Variants in APLF observed in about 807,000 individuals in gnomAD.
The protein encoded by APLF is aprataxin and PNK-like factor.
A neutral mutation model predicts 55.6 loss-of-function variants in APLF; 61 were observed. That is an observed-to-expected ratio of 1.10 (90% CI 0.89 to 1.36). APLF has a LOEUF of 1.36. Among genes scored for constraint, APLF ranks in the 40% most tolerant of loss-of-function variants. APLF has a pLI of 0.00. For synonymous variants in APLF, 207 were observed against 214.8 expected, an observed-to-expected ratio of 0.96 and a Z score of 0.32; for missense variants, 611 against 602.5, an observed-to-expected ratio of 1.01 and a Z score of -0.15.
At chr2:68,558,603 A>G (rs935582931) in intron 8 of APLF, among the ~76,000 whole-genome samples, 3 of 152,138 alleles carry the variant, frequency 2.0e-5, no homozygotes, top group Non-Finnish European at 2.9e-5. Flanking sequence ...CTGATCTAGG[A>G]GCTTATGTAA....
intron 1 of APLF, among the ~76,000 whole-genome samples, chr2:68,476,311 C>G (rs1422990007): frequency 6.6e-6 from 1 of 151,816 alleles, no homozygotes; most frequent in Non-Finnish European, 1.5e-5. Context: ...CATGGTGAAA[C>G]CCTGTCTGTA....
intron 2 of APLF, among the ~76,000 whole-genome samples, chr2:68,496,550 T>C (rs1001572749): frequency 6.6e-6 from 1 of 152,224 alleles, no homozygotes; most frequent in Non-Finnish European, 1.5e-5. Flanking sequence ...TGCTTCCTAT[T>C]TGAATATGTG....
chr2:68,554,372 A>C (rs184152511), intron 8 of APLF, among the ~76,000 whole-genome samples: 85 of 152,220 alleles, frequency 5.6e-4, no homozygotes, highest in African/African-American at 1.8e-3. Context: ...ATACTTTTTT[A>C]AATCTAACAA....
chr2:68,509,934 T>C (rs1463568465), intron 3 of APLF, among the ~76,000 whole-genome samples: 1 of 151,824 alleles, frequency 6.6e-6, no homozygotes, highest in Non-Finnish European at 1.5e-5. Flanking sequence ...TGGATGAAGC[T>C]GGAAACCATC....
At chr2:68,530,745 C>T (rs577029510) in intron 6 of APLF, among the ~76,000 whole-genome samples, 10 of 152,014 alleles carry the variant, frequency 6.6e-5, no homozygotes, top group Non-Finnish European at 1.3e-4. Context: ...TTTCTTATGC[C>T]CAAGAGAGGG....
In APLF at chr2:68,579,431, T is replaced by C. The variant is rs1671711511; in HGVS notation, c.*1409T>C. The C allele has an allele frequency of 1.0e-6, 1 of 954,224 alleles. No homozygotes were observed. 59.1% of individuals were successfully genotyped at this position (954,224 alleles called of 1,614,324 possible). On this transcript the variant is annotated 3_prime_UTR_variant, in exon 10 of 10. Transcript: ENST00000303795. The stretch of plus-strand genomic sequence containing the variant: ...ACTTAATCCTTGAAGTGTTACATAA[T>C]CTACTCCTAGGTATATACCCAGAGG...
chr2:68,516,642 G>T (rs924342560), intron 5 of APLF, among the ~76,000 whole-genome samples: 4 of 150,294 alleles, frequency 2.7e-5, no homozygotes, highest in African/African-American at 9.8e-5. Context: ...TCATGCCTTT[G>T]CATCCTTATA....
At position 68,513,043 on chromosome 2, in the gene APLF, T is replaced by C. The variant is rs1176538493; in HGVS notation, c.342-37T>C. The stretch of plus-strand genomic sequence containing the variant: ...TCTAAGGCAGCAGAAGTGTGTTAAA[T>C]TTAAAATTAAAGACCAGTTTCTATT... On this transcript the variant is annotated intron_variant, in intron 3 of 9. Coordinates refer to ENST00000303795, the MANE Select transcript of APLF (RefSeq NM_173545.3). The C allele has an allele frequency of 2.6e-6, 4 of 1,561,526 alleles. No homozygotes were observed. In the Admixed American group the frequency reaches 7.3e-5, roughly 29 times the overall value.
At chr2:68,502,076 C>T (rs1457953077) in intron 2 of APLF, among the ~76,000 whole-genome samples, 1 of 152,154 alleles carries the variant, frequency 6.6e-6, no homozygotes, top group Admixed American at 6.6e-5. Context: ...TACAGACCCA[C>T]TCGCGAGATA....
intron 8 of APLF, among the ~76,000 whole-genome samples, chr2:68,561,888 C>T (rs780687598): frequency 6.6e-6 from 1 of 151,888 alleles, no homozygotes; most frequent in African/African-American, 2.4e-5. Flanking sequence ...AGCATTAACT[C>T]GAGAAAGTTT....
intron 9 of APLF, among the ~76,000 whole-genome samples, chr2:68,570,972 T>G (rs1558557288): frequency 1.3e-5 from 2 of 152,212 alleles, no homozygotes; most frequent in Admixed American, 1.3e-4. Flanking sequence ...TTCCTGACTT[T>G]TTTATGATTG....
intron 6 of APLF, among the ~76,000 whole-genome samples, chr2:68,536,454 T>TA: frequency 6.6e-6 from 1 of 152,316 alleles, no homozygotes; most frequent in South Asian, 2.1e-4. Context: ...AGTCTTTAGT[T>TA]ATAAGTGGAA....
At chr2:68,476,658 G>A (rs1440194724) in intron 1 of APLF, among the ~76,000 whole-genome samples, 3 of 151,764 alleles carry the variant, frequency 2.0e-5, no homozygotes, top group Admixed American at 2.0e-4. Context: ...TTGTGCAATA[G>A]TTACCACTGA....
In APLF at chr2:68,578,028, A is replaced by G. The variant is rs1400442771; in HGVS notation, c.*6A>G. ...GGTTTATGAAAAGAAAATAGTAACT[A>G]ACTTCTGTAGTCATATCTGCCTTAC... is the stretch of plus-strand genomic sequence containing the variant. On this transcript the variant is annotated 3_prime_UTR_variant, in exon 10 of 10. Transcript: ENST00000303795. 1 of 1,610,248 alleles carries G rather than the reference A, an allele frequency of 6.2e-7. No individual in the cohort carries two copies. The highest frequency in any genetic ancestry group is 8.5e-7 in the Non-Finnish European group (1 of 1,178,374).
chr2:68,488,975 T>TA (rs906353537), intron 1 of APLF, among the ~76,000 whole-genome samples: 9 of 149,120 alleles, frequency 6.0e-5, no homozygotes, highest in South Asian at 2.1e-4. Flanking sequence ...AGTATAATAA[T>TA]AAAAAAAAAG....
intron 5 of APLF, among the ~76,000 whole-genome samples, chr2:68,518,338 A>C (rs1326159541): frequency 8.8e-6 from 1 of 113,494 alleles, no homozygotes; most frequent in African/African-American, 3.6e-5. Flanking sequence ...ATATTAATAA[A>C]TAATTATATA....
At chr2:68,471,063 C>T (rs534581180) in intron 1 of APLF, among the ~76,000 whole-genome samples, 18 of 152,090 alleles carry the variant, frequency 1.2e-4, no homozygotes, top group Admixed American at 8.5e-4. Flanking sequence ...TAGATTTGCC[C>T]TTCCCTCATT....
At chr2:68,532,483 G>A (rs565715964) in intron 6 of APLF, among the ~76,000 whole-genome samples, 5 of 152,154 alleles carry the variant, frequency 3.3e-5, no homozygotes, top group African/African-American at 1.2e-4. Flanking sequence ...AAGAGCTACT[G>A]TTGTATCATC....
chr2:68,520,761 T>A (rs1435415554), intron 5 of APLF, among the ~76,000 whole-genome samples: 6 of 152,096 alleles, frequency 3.9e-5, no homozygotes, highest in Non-Finnish European at 7.4e-5. Flanking sequence ...CCGGATTTGT[T>A]TCTTTTGCTT....
Sources: allele counts gnomAD v4.1 joint callset (sites outside exome capture counted in the v4.1 genomes callset), GRCh38; gene constraint gnomAD v4.1.1; transcripts MANE v1.5; gene names NCBI Gene and HGNC (gene_info 2026-07-23, HGNC 2026-07-21).